TDRD6: variants seen among roughly 807,000 people sequenced by gnomAD.
TDRD6 encodes tudor domain-containing protein 6.
In TDRD6, 186 loss-of-function variants were observed where a neutral mutation model predicts 157.5. That is an observed-to-expected ratio of 1.18 (90% CI 1.05 to 1.33). TDRD6 has a LOEUF of 1.33. Among genes scored for constraint, TDRD6 ranks in the 40% most tolerant of loss-of-function variants. The probability of loss-of-function intolerance (pLI) is 0.00; values close to 1 mark genes in which losing one functional copy is unlikely to be tolerated. For missense variants in TDRD6, 3,066 were observed against 2,508.0 expected (o/e 1.22, Z -4.75); for synonymous variants, 1,075 against 945.2 (o/e 1.14, Z -2.52).
At position 46,691,052 on chromosome 6, in the gene TDRD6, A is replaced by G. The variant is rs765339197; in HGVS notation, c.2924A>G (p.Tyr975Cys). The change falls in exon 1 of 4, where the codon TAC becomes TGC. Residue 975 changes from tyrosine to cysteine, a missense_variant. Transcript: ENST00000316081. ...PLESSVQLHS[Y>C]FYSTHDMKIG... The stretch of plus-strand genomic sequence containing the variant: ...GAGTCCTCTGTTCAGCTACATTCCT[A>G]CTTCTATTCTACACATGATATGAAA... 1.2e-6 allele frequency: 2 copies of G among 1,613,596 alleles called. No individual in the cohort carries two copies. Among genetic ancestry groups the G allele is most frequent in the African/African-American group, 1.3e-5 (1 of 74,878 alleles).
chr6:46,692,605 A>G lies in TDRD6; in HGVS notation c.4477A>G (p.Lys1493Glu). 1 of 1,613,688 alleles carries G rather than the reference A, an allele frequency of 6.2e-7. No homozygotes were observed. Among genetic ancestry groups the G allele is most frequent in the Non-Finnish European group, 8.5e-7 (1 of 1,179,828 alleles). The change falls in exon 1 of 4, where the codon AAA becomes GAA. Residue 1493 changes from lysine (K) to glutamate (E), a missense_variant. Physicochemically the swap from Lys to Glu is moderately conservative, Grantham distance 56. Coordinates refer to ENST00000316081, the MANE Select transcript of TDRD6 (RefSeq NM_001010870.3). Reference protein sequence around the residue: ...SQVELSTQVIKSASSKSVNKS... With the variant: ...SQVELSTQVIESASSKSVNKS... The stretch of plus-strand genomic sequence containing the variant: ...AGTAGAACTTTCTACCCAAGTAATT[A>G]AAAGTGCCAGTTCAAAGTCTGTTAA...
rs1764314138 is a variant in TDRD6, at chr6:46,691,444, C to G, written c.3316C>G (p.His1106Asp). The G allele has an allele frequency of 5.6e-6, 9 of 1,614,038 alleles. No homozygotes were observed. The highest frequency in any genetic ancestry group is 3.3e-4 in the Middle Eastern group (2 of 6,060). ...ATGTTCATTATCTGATATTCCTGAT[C>G]ATATACCAGAAGAAGTGGTGGTGTG... Reference protein sequence around the residue: ...VRCSLSDIPDHIPEEVVVWFQ... With the variant: ...VRCSLSDIPDDIPEEVVVWFQ... The change falls in exon 1 of 4, where the codon CAT becomes GAT. Residue 1106 changes from histidine to aspartate, a missense_variant. His to Asp is a moderately conservative substitution (Grantham distance 81, BLOSUM62 -1). Transcript: ENST00000316081.
In TDRD6 at chr6:46,689,775, A is replaced by C. The variant is rs1353861393; in HGVS notation, c.1647A>C (p.Glu549Asp). ...PDDLCCVKWK[E>D]NGYYRAIVTK... ...ACCTTTGCTGTGTCAAGTGGAAAGA[A>C]AATGGTTATTATAGGGCCATAGTCA... is the stretch of plus-strand genomic sequence containing the variant. The change falls in exon 1 of 4, where the codon GAA becomes GAC. Residue 549 changes from glutamate (E) to aspartate (D), a missense_variant. Coordinates refer to ENST00000316081, the MANE Select transcript of TDRD6 (RefSeq NM_001010870.3). 6.2e-7 allele frequency: 1 copy of C among 1,614,210 alleles called. No individual in the cohort carries two copies. The highest frequency in any genetic ancestry group is 8.5e-7 in the Non-Finnish European group (1 of 1,180,032).
At chr6:46,680,508 T>C in the TDRD6 span, among the ~76,000 whole-genome samples, 1 of 152,180 alleles carries the variant, frequency 6.6e-6, no homozygotes, top group Non-Finnish European at 1.5e-5. Flanking sequence ...TATTCAGACC[T>C]TAAAGTACAA....
At chr6:46,694,198 T>C in intron 1 of TDRD6, 24 bp downstream of exon 1, 1 of 1,439,780 alleles carries the variant, frequency 6.9e-7, no homozygotes, top group Non-Finnish European at 9.1e-7. Flanking sequence ...TTTTCCTTTT[T>C]ACTTTTTTTT....
rs552383174 is a variant in TDRD6 at position 46,703,812 on chromosome 6, A to T, written c.*1925A>T. The T allele has an allele frequency of 6.6e-6, 1 of 152,272 alleles. No individual in the cohort carries two copies. Among genetic ancestry groups the T allele is most frequent in the African/African-American group, 2.4e-5 (1 of 41,588 alleles). 9.4% of individuals were successfully genotyped at this position (152,272 alleles called of 1,614,324 possible). On this transcript the variant is annotated 3_prime_UTR_variant, in exon 4 of 4. Coordinates refer to ENST00000316081, the MANE Select transcript of TDRD6 (RefSeq NM_001010870.3). ...CTTCACAGCCTTTGTGTGAGTAACTAATGTATTCTAACTGGAATCCCTGCT... is the reference window on the plus strand; with the variant it reads ...CTTCACAGCCTTTGTGTGAGTAACTTATGTATTCTAACTGGAATCCCTGCT...
rs1641204871 is a variant in TDRD6, at chr6:46,689,629, G to A, written c.1501G>A (p.Glu501Lys). Reference protein sequence around the residue: ...AQVEFVKNPSEFWIRLRKHNV... With the variant: ...AQVEFVKNPSKFWIRLRKHNV... Reference sequence around the variant, plus strand: ...GGTAGAGTTTGTTAAAAATCCTTCTGAGTTTTGGATTAGGTTGAGGAAACA... The same window carrying A: ...GGTAGAGTTTGTTAAAAATCCTTCTAAGTTTTGGATTAGGTTGAGGAAACA... Residue 501 changes from glutamate to lysine, a missense_variant, in exon 1 of 4, where the codon GAG becomes AAG. By Grantham distance (56) the Glu-to-Lys change is moderately conservative. Transcript: ENST00000316081. 1 of 1,614,174 alleles carries A rather than the reference G, an allele frequency of 6.2e-7. No homozygotes were observed. The highest frequency in any genetic ancestry group is 8.5e-7 in the Non-Finnish European group (1 of 1,180,040).
Position 46,689,206 on chromosome 6 carries a change from C to CG in TDRD6, c.1080dup (p.Tyr361ValfsTer5). 6.2e-7 allele frequency: 1 copy of CG among 1,614,116 alleles called. No individual in the cohort carries two copies. The highest frequency in any genetic ancestry group is 8.5e-7 in the Non-Finnish European group (1 of 1,180,034). On this transcript the variant is annotated frameshift_variant, in exon 1 of 4. Coordinates refer to ENST00000316081, the MANE Select transcript of TDRD6 (RefSeq NM_001010870.3). LOFTEE classifies it high-confidence loss of function. ...GGAGTTAGTGAGTTGCAGCAGCCTT[C>CG]GGTACTTGCTGCCTGAATATTTTCG... is the stretch of plus-strand genomic sequence containing the variant.
Position 46,688,973 on chromosome 6 carries a change from G to C in TDRD6, c.845G>C (p.Ser282Thr), listed in dbSNP as rs1764212028. ...CAGGAGATCCACCGCCTCTCCGAGA[G>C]CATGGCCCAGGTATACCGGGGTTCC... ...VSQEIHRLSE[S>T]MAQVYRGSTG... is the part of the protein sequence containing the mutation. Residue 282 changes from serine (S) to threonine (T), a missense_variant, in exon 1 of 4, where the codon AGC becomes ACC. By Grantham distance (58) the Ser-to-Thr change is moderately conservative. Coordinates refer to ENST00000316081, the MANE Select transcript of TDRD6 (RefSeq NM_001010870.3). 6.2e-7 allele frequency: 1 copy of C among 1,613,490 alleles called. No homozygotes were observed.
intron 3 of TDRD6, among the ~76,000 whole-genome samples, chr6:46,698,559 A>G (rs1048439500): frequency 6.6e-6 from 1 of 152,148 alleles, no homozygotes; most frequent in Non-Finnish European, 1.5e-5. Flanking sequence ...ATTTAAGACT[A>G]TATGGTGGGC....
At chr6:46,680,915 A>G in the TDRD6 span, among the ~76,000 whole-genome samples, 3 of 152,052 alleles carry the variant, frequency 2.0e-5, no homozygotes, top group African/African-American at 7.2e-5. Context: ...ATCACCTACT[A>G]TTTCCTCTCT....
At chr6:46,694,809 G>T (rs1764451951) in intron 1 of TDRD6, among the ~76,000 whole-genome samples, 1 of 152,054 alleles carries the variant, frequency 6.6e-6, no homozygotes, top group Non-Finnish European at 1.5e-5. Context: ...ATAAAACATG[G>T]TATTCCCTTG....
At chr6:46,686,693 C>T (rs978206135), upstream of TDRD6, among the ~76,000 whole-genome samples, 17 of 147,274 alleles carry the variant, frequency 1.2e-4, no homozygotes, top group African/African-American at 3.7e-4. Flanking sequence ...AAATTGGATT[C>T]ATTCATTCAT....
Position 46,688,575 on chromosome 6 carries a change from C to G in TDRD6, c.447C>G (p.His149Gln), listed in dbSNP as rs1764188504. ...CGGGCTCAGGCGAGCCGCCGCAGCA[C>G]TGGCCCGCCGACGCCGTGGACTTCC... Reference protein sequence around the residue: ...CGAGSGEPPQHWPADAVDFLS... With the variant: ...CGAGSGEPPQQWPADAVDFLS... The change falls in exon 1 of 4, where the codon CAC (histidine) becomes CAG (glutamine). Residue 149 changes from histidine (H) to glutamine (Q), a missense_variant. His to Gln is a conservative substitution (Grantham distance 24). Coordinates refer to ENST00000316081, the MANE Select transcript of TDRD6 (RefSeq NM_001010870.3). 2.5e-6 allele frequency: 4 copies of G among 1,596,132 alleles called. No homozygotes were observed. In the African/African-American group the frequency reaches 4.0e-5, roughly 16 times the overall value.
chr6:46,693,814 C>G lies in TDRD6; in HGVS notation c.5686C>G (p.Pro1896Ala). The G allele has an allele frequency of 6.2e-7, 1 of 1,614,196 alleles. No homozygotes were observed. Residue 1896 changes from proline (P) to alanine (A), a missense_variant, in exon 1 of 4, where the codon CCT becomes GCT. Transcript: ENST00000316081. ...CATGGAGCTATTTACACTGCAGCTT[C>G]CTCTCAGCTGTGAAGCTGAGAAACA... ...GAMELFTLQL[P>A]LSCEAEKQPE... is the part of the protein sequence containing the mutation.
Position 46,688,138 on chromosome 6 carries a change from A to G in TDRD6, c.10A>G (p.Thr4Ala). ...GCGCCGCGCCGTCAAGATGTGCTCGACGCCCGGAATGCCGGCGCCGGGGGC... is the reference window on the plus strand; with the variant it reads ...GCGCCGCGCCGTCAAGATGTGCTCGGCGCCCGGAATGCCGGCGCCGGGGGC... Reference protein sequence around the residue: MCSTPGMPAPGASL... With the variant: MCSAPGMPAPGASL... Residue 4 changes from threonine to alanine, a missense_variant, in exon 1 of 4, where the codon ACG (threonine) becomes GCG (alanine). Thr to Ala is a moderately conservative substitution (Grantham distance 58). Coordinates refer to ENST00000316081, the MANE Select transcript of TDRD6 (RefSeq NM_001010870.3). 6.5e-7 allele frequency: 1 copy of G among 1,536,680 alleles called. No homozygotes were observed. The highest frequency in any genetic ancestry group is 8.7e-7 in the Non-Finnish European group (1 of 1,148,442).
rs1335657418 is a variant in TDRD6, at chr6:46,691,304, C to G, written c.3176C>G (p.Pro1059Arg). Residue 1059 changes from proline to arginine, a missense_variant, in exon 1 of 4, where the codon CCA becomes CGA. By Grantham distance (103) the Pro-to-Arg change is moderately radical. Coordinates refer to ENST00000316081, the MANE Select transcript of TDRD6 (RefSeq NM_001010870.3). ...WYRGIVIEKE[P>R]KKVFFVDFGN... ...AGGGGCATAGTAATAGAGAAAGAGC[C>G]AAAGAAAGTCTTCTTTGTTGATTTT... is the stretch of plus-strand genomic sequence containing the variant. The G allele has an allele frequency of 1.9e-6, 3 of 1,614,040 alleles. No individual in the cohort carries two copies. Among genetic ancestry groups the G allele is most frequent in the Non-Finnish European group, 2.5e-6 (3 of 1,179,962 alleles).
At position 46,688,217 on chromosome 6, in the gene TDRD6, T is replaced by G. The variant is rs1764164304; in HGVS notation, c.89T>G (p.Val30Gly). 1.9e-6 allele frequency: 3 copies of G among 1,539,810 alleles called. No homozygotes were observed. The East Asian group carries it at 7.2e-5, about 37-fold the overall frequency. The change falls in exon 1 of 4, where the codon GTG becomes GGG. Residue 30 changes from valine to glycine, a missense_variant. Transcript: ENST00000316081. Reference protein sequence around the residue: ...FVDVHPDVIPVQLWGLVGERR... With the variant: ...FVDVHPDVIPGQLWGLVGERR... Reference sequence around the variant, plus strand: ...GACGTGCATCCCGATGTGATCCCGGTGCAGCTGTGGGGGCTGGTGGGCGAG... The same window carrying G: ...GACGTGCATCCCGATGTGATCCCGGGGCAGCTGTGGGGGCTGGTGGGCGAG...
rs760482920 is a variant in TDRD6, at chr6:46,694,133, A to G, written c.6005A>G (p.Asp2002Gly). The G allele has an allele frequency of 3.1e-6, 5 of 1,592,820 alleles. No individual in the cohort carries two copies. The South Asian group carries it at 5.8e-5, about 18-fold the overall frequency. The change falls in exon 1 of 4, where the codon GAT becomes GGT. Residue 2002 changes from aspartate (D) to glycine (G), a missense_variant. Transcript: ENST00000316081. Reference protein sequence around the residue: ...MPLFSEEESSDGSKHNNGLPD... With the variant: ...MPLFSEEESSGGSKHNNGLPD... ...TTGTTCTCTGAGGAAGAAAGCAGTG[A>G]TGGAAGCAAGCACAATAATGGTTTA...
Sources: allele counts gnomAD v4.1 joint callset (sites outside exome capture counted in the v4.1 genomes callset), GRCh38; gene constraint gnomAD v4.1.1; transcripts MANE v1.5; gene names NCBI Gene and HGNC (gene_info 2026-07-23, HGNC 2026-07-21).